The following PHF24 variants were observed in gnomAD, a reference collection of about 807,000 sequenced individuals.
PHF24 encodes Galpha inhibitory interacting protein.
A neutral mutation model predicts 42.6 loss-of-function variants in PHF24; 25 were observed. The ratio of observed to expected loss-of-function variants is 0.59; its 90% CI spans 0.43 to 0.82. The LOEUF is 0.82. Among genes scored for constraint, PHF24 ranks in the 40% least tolerant of loss-of-function variants. PHF24 has a pLI of 0.00. For synonymous variants in PHF24, 185 were observed against 204.8 expected (o/e 0.90, Z 0.83); for missense variants, 470 against 538.1 (o/e 0.87, Z 1.25).
the PHF24 span, among the ~76,000 whole-genome samples, chr9:34,871,342 C>T: frequency 6.6e-6 from 1 of 152,108 alleles, no homozygotes; most frequent in Non-Finnish European, 1.5e-5. Flanking sequence ...GATAGCAGTC[C>T]TTTACCAGAT....
the PHF24 span, chr9:34,917,211 A>G: frequency 2.1e-6 from 3 of 1,443,494 alleles, no homozygotes; most frequent in South Asian, 2.3e-5. Context: ...AAATAAAGGC[A>G]TCAAGCAGGT....
chr9:34,719,882 A>T, the PHF24 span, among the ~76,000 whole-genome samples: 4 of 152,246 alleles, frequency 2.6e-5, no homozygotes, highest in Non-Finnish European at 5.9e-5. Flanking sequence ...ATGTTGGTTC[A>T]GCAGGTTTGG....
At chr9:34,712,147 T>C in the PHF24 span, among the ~76,000 whole-genome samples, 1 of 152,188 alleles carries the variant, frequency 6.6e-6, no homozygotes, top group African/African-American at 2.4e-5. Flanking sequence ...CATTGTCTTT[T>C]GGCCTCCCAT....
the PHF24 span, among the ~76,000 whole-genome samples, chr9:34,771,787 T>C: frequency 6.6e-6 from 1 of 152,204 alleles, no homozygotes; most frequent in Non-Finnish European, 1.5e-5. Flanking sequence ...AATTTAGGTC[T>C]GAACCAGGGC....
At chr9:34,694,786 C>CT in the PHF24 span, among the ~76,000 whole-genome samples, 2 of 152,192 alleles carry the variant, frequency 1.3e-5, no homozygotes, top group Non-Finnish European at 2.9e-5. Flanking sequence ...CCCTTCAAGC[C>CT]TTTGTATGAT....
At chr9:34,823,166 G>A in the PHF24 span, among the ~76,000 whole-genome samples, 13 of 128,200 alleles carry the variant, frequency 1.0e-4, no homozygotes, top group African/African-American at 3.8e-4. Context: ...ACTGCAGTCC[G>A]CAGTCCGGCC....
At chr9:34,978,417 A>C (rs1223439731) in exon 8 of PHF24, 2 of 340,634 alleles carry the variant, frequency 5.9e-6, no homozygotes, top group African/African-American at 4.1e-5. Flanking sequence ...CCAGCTGTCC[A>C]TGCCTTCAGA....
At chr9:34,679,584 G>A in the PHF24 span, among the ~76,000 whole-genome samples, 1,186 of 152,268 alleles carry the variant, frequency 7.8e-3, 17 homozygotes, top group African/African-American at 0.027. Context: ...GTGTGGTGGC[G>A]CGTGCCTGTA....
the PHF24 span, among the ~76,000 whole-genome samples, chr9:34,728,869 A>G: frequency 5.3e-5 from 8 of 152,158 alleles, no homozygotes; most frequent in Middle Eastern, 3.2e-3. Context: ...TCCAAATTCT[A>G]TACCTCCCAT....
the PHF24 span, among the ~76,000 whole-genome samples, chr9:34,851,729 T>C: frequency 6.6e-6 from 1 of 152,228 alleles, no homozygotes; most frequent in Non-Finnish European, 1.5e-5. Flanking sequence ...GAGCTGTTCC[T>C]ATTCGGTCAT....
the PHF24 span, among the ~76,000 whole-genome samples, chr9:34,717,795 CTGTCTT>C: frequency 6.6e-6 from 1 of 152,078 alleles, no homozygotes; most frequent in Admixed American, 6.6e-5. Flanking sequence ...GTGTGCAAAC[CTGTCTT>C]TGTGTCTGCA....
At chr9:34,809,845 C>G in the PHF24 span, among the ~76,000 whole-genome samples, 1 of 152,122 alleles carries the variant, frequency 6.6e-6, no homozygotes, top group Non-Finnish European at 1.5e-5. This position sits in a 1 kb window ranked among gnomAD's most constrained non-coding sequence, Gnocchi z 4.1. Context: ...ACTACTCATC[C>G]GAGCCCATGG....
At chr9:34,830,207 C>A in the PHF24 span, among the ~76,000 whole-genome samples, 2 of 152,230 alleles carry the variant, frequency 1.3e-5, no homozygotes, top group African/African-American at 2.4e-5. Flanking sequence ...AATCTGCATT[C>A]TCCCCACAGG....
the PHF24 span, among the ~76,000 whole-genome samples, chr9:34,905,931 G>A: frequency 6.6e-6 from 1 of 152,304 alleles, no homozygotes; most frequent in Non-Finnish European, 1.5e-5. Context: ...ATGAACTGTG[G>A]AGATGGGTCT....
the PHF24 span, among the ~76,000 whole-genome samples, chr9:34,792,609 T>A: frequency 1.3e-5 from 2 of 151,912 alleles, no homozygotes; most frequent in Admixed American, 6.6e-5. Flanking sequence ...AGGCGAAGGT[T>A]GTGGTGAGCC....
At chr9:34,917,288 A>G in the PHF24 span, 1 of 1,032,350 alleles carries the variant, frequency 9.7e-7, no homozygotes, top group Non-Finnish European at 1.5e-6. Flanking sequence ...GTACTGGAAA[A>G]GGACTGCACT....
At chr9:34,971,674 C>G in exon 2 of PHF24, 2 of 1,605,748 alleles carry the variant, frequency 1.2e-6, no homozygotes, top group Non-Finnish European at 1.7e-6. Context: ...GCCCAGAGAG[C>G]CTGTGAGTAT....
At chr9:34,893,985 A>G in the PHF24 span, among the ~76,000 whole-genome samples, 1 of 152,212 alleles carries the variant, frequency 6.6e-6, no homozygotes, top group Non-Finnish European at 1.5e-5. Context: ...TAAGAAGAGG[A>G]TAAGATGATA....
At chr9:34,860,673 A>G in the PHF24 span, among the ~76,000 whole-genome samples, 1 of 146,354 alleles carries the variant, frequency 6.8e-6, no homozygotes, top group African/African-American at 2.6e-5. Flanking sequence ...GACTCTTATA[A>G]TGAGACCTTT....
Sources: allele counts gnomAD v4.1 joint callset (sites outside exome capture counted in the v4.1 genomes callset), GRCh38; gene constraint gnomAD v4.1.1; non-coding constraint Gnocchi (gnomAD v3.1); transcripts MANE v1.5; gene names NCBI Gene and HGNC (gene_info 2026-07-23, HGNC 2026-07-21).